The following CSNK1G3 variants were observed in gnomAD, a reference collection of about 807,000 sequenced individuals.
CSNK1G3 encodes casein kinase 1 gamma 3, also known as casein kinase I isoform gamma-3.
In CSNK1G3, 23 loss-of-function variants were observed where a neutral mutation model predicts 64.3. The observed-to-expected ratio is 0.36, with a 90% CI of 0.26 to 0.51. The LOEUF is 0.51. CSNK1G3 is among the 20% of genes least tolerant of loss of function. The pLI is 0.96. For missense variants in CSNK1G3, 357 were observed against 510.5 expected (o/e 0.70, Z 2.90); for synonymous variants, 158 against 162.2 (o/e 0.97, Z 0.20).
chr5:123,554,606 C>T (rs931347707), intron 3 of CSNK1G3, among the ~76,000 whole-genome samples: 6 of 152,174 alleles, frequency 3.9e-5, no homozygotes, highest in Non-Finnish European at 5.9e-5. Flanking sequence ...GGATTACAGG[C>T]GTGAGCCACT....
intron 1 of CSNK1G3, among the ~76,000 whole-genome samples, chr5:123,531,022 A>G (rs1238586185): frequency 1.3e-5 from 2 of 152,234 alleles, no homozygotes; most frequent in African/African-American, 4.8e-5. Flanking sequence ...GGCTGAAGAC[A>G]TGTATTGTAA....
At chr5:123,555,441 T>C (rs1044707876) in intron 3 of CSNK1G3, among the ~76,000 whole-genome samples, 1 of 152,216 alleles carries the variant, frequency 6.6e-6, no homozygotes, top group Non-Finnish European at 1.5e-5. Flanking sequence ...GAACATCTTA[T>C]GTCTGCATAC....
At chr5:123,563,432 T>C (rs941582391) in intron 4 of CSNK1G3, among the ~76,000 whole-genome samples, 4 of 152,048 alleles carry the variant, frequency 2.6e-5, no homozygotes, top group African/African-American at 9.7e-5. Flanking sequence ...CTGATCCTTC[T>C]GCCTTCTTGA....
At chr5:123,588,479 C>T (rs772499918) in exon 8 of CSNK1G3, 11 of 1,612,126 alleles carry the variant, frequency 6.8e-6, no homozygotes, top group Non-Finnish European at 9.3e-6. Context: ...AAACGGGCTA[C>T]ACCAATAGAA....
intron 4 of CSNK1G3, among the ~76,000 whole-genome samples, chr5:123,563,466 G>T (rs1255294905): frequency 6.6e-6 from 1 of 151,926 alleles, no homozygotes. Flanking sequence ...AAAAAGTCTG[G>T]ATTTATGTGC....
At chr5:123,539,470 G>A (rs559157069) in intron 1 of CSNK1G3, among the ~76,000 whole-genome samples, 2 of 151,468 alleles carry the variant, frequency 1.3e-5, no homozygotes, top group South Asian at 4.2e-4. Context: ...ATCCCTGTGG[G>A]TTTTCTTTTT....
chr5:123,538,997 A>G (rs946217795), intron 1 of CSNK1G3, among the ~76,000 whole-genome samples: 2 of 152,114 alleles, frequency 1.3e-5, no homozygotes, highest in African/African-American at 4.8e-5. Context: ...TCCATTTCAA[A>G]TTATTATTTT....
chr5:123,604,582 G>A, intron 10 of CSNK1G3, 142 bp from the exon 12 acceptor site: 1 of 486,076 alleles, frequency 2.1e-6, no homozygotes, highest in Middle Eastern at 5.7e-4. Flanking sequence ...GCTACATATT[G>A]TTTTGTGTTC....
rs575646881 is a variant in CSNK1G3 at position 123,598,234 on chromosome 5, A to G, written c.1087-6490A>G. ...CCCTCTTAGAATCATTGGTAGTAATAAATATGGCTGAGAAACTCAGACCTA... is the reference window on the plus strand; with the variant it reads ...CCCTCTTAGAATCATTGGTAGTAATGAATATGGCTGAGAAACTCAGACCTA... On this transcript the variant is annotated intron_variant, in intron 10 of 12. Transcript: ENST00000345990. Among the ~76,000 whole-genome samples, 251 of 152,292 alleles carry G rather than the reference A, an allele frequency of 1.6e-3. 1 individual carries two copies. The highest frequency in any genetic ancestry group is 5.8e-3 in the African/African-American group (240 of 41,570).
chr5:123,562,332 C>G (rs186776940), intron 4 of CSNK1G3, among the ~76,000 whole-genome samples: 1 of 152,128 alleles, frequency 6.6e-6, no homozygotes, highest in African/African-American at 2.4e-5. Flanking sequence ...TATTATTTGT[C>G]TATGTCTGTC....
chr5:123,558,648 TGTA>T (rs1372343597), intron 4 of CSNK1G3, among the ~76,000 whole-genome samples: 7 of 152,196 alleles, frequency 4.6e-5, no homozygotes, highest in Non-Finnish European at 8.8e-5. Context: ...TTTTAAATGT[TGTA>T]GTAATGTGTT....
chr5:123,588,428 C>A, exon 8 of CSNK1G3: 1 of 1,607,270 alleles, frequency 6.2e-7, no homozygotes, highest in Non-Finnish European at 8.5e-7. Context: ...CTGTTTTAGG[C>A]TGACACATTA....
chr5:123,614,103 T>A (rs1749028570), intron 12 of CSNK1G3, among the ~76,000 whole-genome samples: 1 of 152,238 alleles, frequency 6.6e-6, no homozygotes, highest in South Asian at 2.1e-4. Flanking sequence ...ACCTTTTGAA[T>A]TTAATGGCTC....
At chr5:123,579,822 T>A (rs917190151) in intron 6 of CSNK1G3, among the ~76,000 whole-genome samples, 3 of 152,008 alleles carry the variant, frequency 2.0e-5, no homozygotes, top group Non-Finnish European at 1.5e-5. Context: ...TGCTTAATGT[T>A]TACTTTTCCC....
chr5:123,600,029 G>T (rs1354638256), intron 10 of CSNK1G3, among the ~76,000 whole-genome samples: 1 of 152,038 alleles, frequency 6.6e-6, no homozygotes, highest in African/African-American at 2.4e-5. Context: ...AATACCAAGA[G>T]TATCAATTAT....
intron 1 of CSNK1G3, among the ~76,000 whole-genome samples, chr5:123,543,453 A>G (rs1357070056): frequency 6.6e-6 from 1 of 152,008 alleles, no homozygotes; most frequent in African/African-American, 2.4e-5. Context: ...CGGTTTTTTT[A>G]GACTATTCCC....
At chr5:123,610,685 A>C (rs1347705761) in intron 12 of CSNK1G3, among the ~76,000 whole-genome samples, 1 of 152,172 alleles carries the variant, frequency 6.6e-6, no homozygotes, top group African/African-American at 2.4e-5. Flanking sequence ...AGTAGGACTT[A>C]ACATATATTC....
intron 6 of CSNK1G3, among the ~76,000 whole-genome samples, chr5:123,585,372 G>T (rs1458715001): frequency 6.6e-6 from 1 of 151,750 alleles, no homozygotes; most frequent in Non-Finnish European, 1.5e-5. Flanking sequence ...ATTTCTAGAA[G>T]AAAAAACAGG....
At chr5:123,548,318 G>A (rs1287779652) in intron 2 of CSNK1G3, among the ~76,000 whole-genome samples, 1 of 151,892 alleles carries the variant, frequency 6.6e-6, no homozygotes, top group East Asian at 1.9e-4. Context: ...AATTAGCCAG[G>A]TGTGATGGTG....
Sources: gnomAD v4.1 joint callset for allele counts (sites outside exome capture counted in the v4.1 genomes callset) on GRCh38, gnomAD v4.1.1 for gene constraint, MANE v1.5 for transcripts, NCBI Gene and HGNC (gene_info 2026-07-23, HGNC 2026-07-21) for gene names.